PHYHIPL: variants seen among roughly 807,000 people sequenced by gnomAD.
The protein encoded by PHYHIPL is phytanoyl-CoA hydroxylase-interacting protein-like.
In PHYHIPL, 9 loss-of-function variants were observed where a neutral mutation model predicts 33.4. The ratio of observed to expected loss-of-function variants is 0.27; its 90% CI spans 0.16 to 0.47. The LOEUF (loss-of-function observed/expected upper bound fraction) is 0.47. Ranked by LOEUF, PHYHIPL falls within the 20% of genes least tolerant of loss-of-function variation. PHYHIPL has a pLI of 0.99. For missense variants in PHYHIPL, 365 were observed against 460.7 expected (o/e 0.79, Z 1.90); for synonymous variants, 153 against 154.1 (o/e 0.99, Z 0.05).
At chr10:59,207,403 C>G (rs1839316916) in intron 1 of PHYHIPL, among the ~76,000 whole-genome samples, 1 of 152,170 alleles carries the variant, frequency 6.6e-6, no homozygotes, top group African/African-American at 2.4e-5. Context: ...GGCCCCCATA[C>G]TACACTTTTC....
intron 1 of PHYHIPL, among the ~76,000 whole-genome samples, chr10:59,220,478 A>G (rs946759086): frequency 3.3e-5 from 5 of 152,102 alleles, no homozygotes; most frequent in African/African-American, 7.2e-5. Context: ...GTAAATATAT[A>G]TTTAATTTAA....
chr10:59,191,955 TAAGAGAGGAAGGGCC>T (rs1307092632), intron 1 of PHYHIPL, among the ~76,000 whole-genome samples: 1 of 152,042 alleles, frequency 6.6e-6, no homozygotes, highest in Non-Finnish European at 1.5e-5. Context: ...TTAATCTGTT[TAAGAGAGGAAGGGCC>T]AAACAGTTGA....
upstream of PHYHIPL, among the ~76,000 whole-genome samples, chr10:59,175,666 T>C (rs1422188633): frequency 6.6e-6 from 1 of 152,188 alleles, no homozygotes; most frequent in African/African-American, 2.4e-5. Context: ...ATCCACTAAG[T>C]GCACTGCAGA....
intron 1 of PHYHIPL, among the ~76,000 whole-genome samples, chr10:59,233,440 C>A (rs1254779539): frequency 6.8e-6 from 1 of 148,146 alleles, no homozygotes; most frequent in Admixed American, 6.7e-5. Flanking sequence ...TTTTTTTTTT[C>A]TCTCTTGAGG....
intron 1 of PHYHIPL, among the ~76,000 whole-genome samples, chr10:59,216,905 T>C (rs1162915824): frequency 6.6e-6 from 1 of 152,160 alleles, no homozygotes; most frequent in Non-Finnish European, 1.5e-5. Flanking sequence ...GTCTCATTGA[T>C]TCATCTTTGA....
intron 1 of PHYHIPL, among the ~76,000 whole-genome samples, chr10:59,194,330 T>A (rs1487251563): frequency 6.6e-6 from 1 of 152,168 alleles, no homozygotes; most frequent in Non-Finnish European, 1.5e-5. Context: ...GCTACCCTCA[T>A]AATAGTTTCA....
intron 1 of PHYHIPL, among the ~76,000 whole-genome samples, chr10:59,192,444 G>A (rs1838807153): frequency 6.6e-6 from 1 of 152,072 alleles, no homozygotes; most frequent in Admixed American, 6.6e-5. Context: ...ATTTCTAGGG[G>A]ATGTTGGTGT....
chr10:59,202,085 A>C (rs1051862789), intron 1 of PHYHIPL, among the ~76,000 whole-genome samples: 6 of 152,146 alleles, frequency 3.9e-5, no homozygotes, highest in African/African-American at 1.4e-4. Context: ...ATAAGGAATC[A>C]CTCCAACGAA....
intron 3 of PHYHIPL, among the ~76,000 whole-genome samples, chr10:59,237,834 G>A (rs1270412340): frequency 6.6e-6 from 1 of 151,784 alleles, no homozygotes; most frequent in Non-Finnish European, 1.5e-5. Flanking sequence ...CTCTTAGATT[G>A]TCAGTTCTTT....
intron 3 of PHYHIPL, among the ~76,000 whole-genome samples, 151 bp from the exon 4 acceptor site, chr10:59,238,433 CACAG>C (rs1296511743): frequency 6.6e-6 from 1 of 152,078 alleles, no homozygotes; most frequent in East Asian, 1.9e-4. Flanking sequence ...AAATGTGCCA[CACAG>C]ACAATGAATA....
chr10:59,176,380 G>T (rs561390844), upstream of PHYHIPL, among the ~76,000 whole-genome samples: 1 of 152,136 alleles, frequency 6.6e-6, no homozygotes, highest in Admixed American at 6.5e-5. Context: ...GCAGCCGCGC[G>T]GCGTATAGCG....
chr10:59,177,053 A>AGGGTCTTTT, intron 1 of PHYHIPL, 94 bp downstream of exon 1: 1 of 1,111,340 alleles, frequency 9.0e-7, no homozygotes. Flanking sequence ...CCAGGGCGGC[A>AGGGTCTTTT]GGGTCTTTTG....
At chr10:59,244,749 G>A (rs1338238522) in intron 4 of PHYHIPL, among the ~76,000 whole-genome samples, 1 of 151,990 alleles carries the variant, frequency 6.6e-6, no homozygotes, top group Non-Finnish European at 1.5e-5. Flanking sequence ...GGCACTTAAT[G>A]TATGTGTGAT....
chr10:59,183,876 C>G (rs1428620316), intron 1 of PHYHIPL, among the ~76,000 whole-genome samples: 2 of 152,224 alleles, frequency 1.3e-5, no homozygotes, highest in Admixed American at 1.3e-4. Context: ...GAATGTTGCT[C>G]TCTAATAATA....
chr10:59,177,026 T>C (rs961361025), intron 1 of PHYHIPL, 67 bp downstream of exon 1: 7 of 1,391,348 alleles, frequency 5.0e-6, no homozygotes, highest in Admixed American at 1.8e-5. Flanking sequence ...CCACTCTGGC[T>C]CCGCCGACGC....
At chr10:59,226,087 CAA>C (rs1589288446) in intron 1 of PHYHIPL, among the ~76,000 whole-genome samples, 1 of 150,820 alleles carries the variant, frequency 6.6e-6, no homozygotes, top group Non-Finnish European at 1.5e-5. Flanking sequence ...TTTAATGAAA[CAA>C]AGATGAAAGA....
chr10:59,178,768 G>C (rs1352670821), intron 1 of PHYHIPL, among the ~76,000 whole-genome samples: 2 of 152,082 alleles, frequency 1.3e-5, no homozygotes, highest in Non-Finnish European at 2.9e-5. Flanking sequence ...AAATAATGCT[G>C]TATTTACTGT....
At chr10:59,243,348 C>CT (rs973149499) in intron 4 of PHYHIPL, among the ~76,000 whole-genome samples, 1 of 152,002 alleles carries the variant, frequency 6.6e-6, no homozygotes, top group African/African-American at 2.4e-5. Context: ...TGAAGGAAAA[C>CT]TAAGGGGATT....
At chr10:59,193,528 G>C (rs1838834355) in intron 1 of PHYHIPL, among the ~76,000 whole-genome samples, 2 of 152,098 alleles carry the variant, frequency 1.3e-5, no homozygotes, top group African/African-American at 4.8e-5. Context: ...GAACACATAT[G>C]TCCAAGATTT....
Sources: allele counts gnomAD v4.1 joint callset (sites outside exome capture counted in the v4.1 genomes callset), GRCh38; gene constraint gnomAD v4.1.1; transcripts MANE v1.5; gene names NCBI Gene and HGNC (gene_info 2026-07-23, HGNC 2026-07-21).